MPP7: variants seen among roughly 807,000 people sequenced by gnomAD.
MPP7 encodes MAGUK p55 subfamily member 7.
A neutral mutation model predicts 76.5 loss-of-function variants in MPP7; 60 were observed. The ratio of observed to expected loss-of-function variants is 0.78; its 90% confidence interval spans 0.64 to 0.97. MPP7 has a LOEUF of 0.97. MPP7 is among the 50% of genes least tolerant of loss of function. The probability of loss-of-function intolerance (pLI) is 0.00; values close to 1 mark genes in which losing one functional copy is unlikely to be tolerated. For synonymous variants in MPP7, 237 were observed against 244.5 expected (o/e 0.97, Z 0.29); for missense variants, 641 against 694.0 (o/e 0.92, Z 0.86).
chr10:28,110,177 G>A (rs1000334001), intron 11 of MPP7, among the ~76,000 whole-genome samples: 2 of 150,764 alleles, frequency 1.3e-5, no homozygotes, highest in African/African-American at 2.4e-5. Flanking sequence ...TGCAACCTCC[G>A]CTCCTGAGTT....
intron 11 of MPP7, among the ~76,000 whole-genome samples, chr10:28,113,890 T>C (rs563548035): frequency 6.6e-6 from 1 of 152,272 alleles, no homozygotes; most frequent in East Asian, 1.9e-4. Flanking sequence ...TCGAGGGACA[T>C]AAAGTTTCTT....
intron 11 of MPP7, among the ~76,000 whole-genome samples, chr10:28,097,404 G>A (rs1356664011): frequency 1.3e-5 from 2 of 152,082 alleles, no homozygotes; most frequent in Non-Finnish European, 2.9e-5. Flanking sequence ...TTAGATGACT[G>A]GCACTACTCA....
In MPP7 at chr10:28,051,785, A is replaced by C. The variant is rs1588699384; in HGVS notation, c.*2280T>G. On this transcript the variant is annotated 3_prime_UTR_variant, in exon 17 of 17. Transcript: ENST00000683449. ...CACGTCTACCGGCTGGGCACGGTGG[A>C]TCATGCCTGTAATCCCAGCACTTTG... is the stretch of plus-strand genomic sequence containing the variant. 1 of 151,914 alleles carries C rather than the reference A, an allele frequency of 6.6e-6. No individual in the cohort carries two copies. 9.4% of individuals were successfully genotyped at this position (151,914 alleles called of 1,614,324 possible). A position where few individuals can be genotyped will look rare whatever the true frequency, so the allele number is the denominator to read the frequency against.
intron 1 of MPP7, among the ~76,000 whole-genome samples, chr10:28,262,046 G>T (rs2132942614): frequency 6.6e-6 from 1 of 151,098 alleles, no homozygotes; most frequent in South Asian, 2.1e-4. Flanking sequence ...AGCTACTCAG[G>T]AGGCTGAGGC....
chr10:28,067,448 T>G (rs966395053), intron 13 of MPP7, among the ~76,000 whole-genome samples: 1 of 152,196 alleles, frequency 6.6e-6, no homozygotes, highest in African/African-American at 2.4e-5. Context: ...GGCATATCTT[T>G]TTATAGAACT....
chr10:28,287,836 A>G (rs1362302101), intron 1 of MPP7, among the ~76,000 whole-genome samples: 1 of 152,224 alleles, frequency 6.6e-6, no homozygotes, highest in African/African-American at 2.4e-5. Context: ...CCAAAATGAA[A>G]GACAGGTCAA....
At chr10:28,202,641 A>G (rs957707743) in intron 2 of MPP7, among the ~76,000 whole-genome samples, 2 of 152,230 alleles carry the variant, frequency 1.3e-5, no homozygotes, top group Non-Finnish European at 2.9e-5. Context: ...TGAGTTATGA[A>G]TAGGAAAAAC....
chr10:28,267,411 A>C (rs1840181630), intron 1 of MPP7, among the ~76,000 whole-genome samples: 1 of 152,212 alleles, frequency 6.6e-6, no homozygotes, highest in Admixed American at 6.5e-5. Flanking sequence ...TCTAGCAAGC[A>C]AAAAAGACAA....
At position 28,323,454 on chromosome 10, in the gene MPP7, G is replaced by GA. The variant is rs5784053; in HGVS notation, c.-132+6474dup. ...GGCAGCAGAGTGAGACTCTATCTAG[G>GA]AAAAAAAAAAAAAGAAAGAAAGAAA... On this transcript the variant is annotated intron_variant, in intron 2 of 11. Transcript: ENST00000441595. 9.4e-4 allele frequency among the ~76,000 whole-genome samples: 135 copies of GA among 144,218 alleles called. No individual in the cohort carries two copies. The South Asian group carries it at 9.4e-3, about 10-fold the overall frequency. 94.6% of individuals were successfully genotyped at this position (144,218 alleles called of 152,430 possible).
At chr10:28,203,964 A>G (rs1175973926) in intron 2 of MPP7, among the ~76,000 whole-genome samples, 1 of 152,186 alleles carries the variant, frequency 6.6e-6, no homozygotes, top group African/African-American at 2.4e-5. Context: ...GAAACTCAGT[A>G]AGTTTCAGCT....
chr10:28,142,668 T>C (rs886161991), intron 5 of MPP7, among the ~76,000 whole-genome samples: 4 of 152,034 alleles, frequency 2.6e-5, no homozygotes, highest in African/African-American at 9.7e-5. Context: ...GAGGTGGAGG[T>C]TACAGTAAGC....
chr10:28,149,348 T>G (rs1440998445), intron 4 of MPP7, among the ~76,000 whole-genome samples: 2 of 152,154 alleles, frequency 1.3e-5, no homozygotes, highest in Non-Finnish European at 2.9e-5. Flanking sequence ...TTCATCCGAG[T>G]CCGAAAGTTA....
intron 2 of MPP7, among the ~76,000 whole-genome samples, chr10:28,203,514 A>AAAAC (rs1554851055): frequency 6.8e-6 from 1 of 147,404 alleles, no homozygotes; most frequent in African/African-American, 2.5e-5. Context: ...AAAAAAAAAA[A>AAAAC]AACCTTCTCT....
At chr10:28,165,330 T>C (rs765611804) in intron 3 of MPP7, among the ~76,000 whole-genome samples, 4 of 152,134 alleles carry the variant, frequency 2.6e-5, no homozygotes, top group Non-Finnish European at 5.9e-5. Flanking sequence ...GATATCAGCC[T>C]GGGTAACAGA....
chr10:28,193,525 T>C (rs1318834296), intron 3 of MPP7, among the ~76,000 whole-genome samples: 2 of 152,168 alleles, frequency 1.3e-5, no homozygotes, highest in African/African-American at 4.8e-5. Context: ...AATGAGTTTT[T>C]AGATATAATT....
intron 12 of MPP7, among the ~76,000 whole-genome samples, chr10:28,084,808 T>G (rs527742408): frequency 6.6e-6 from 1 of 152,230 alleles, no homozygotes; most frequent in East Asian, 1.9e-4. Context: ...TTTAGGAATT[T>G]ATTGAAAAAT....
At chr10:28,159,283 T>C (rs1836177327) in intron 3 of MPP7, among the ~76,000 whole-genome samples, 2 of 152,202 alleles carry the variant, frequency 1.3e-5, no homozygotes, top group South Asian at 4.1e-4. Context: ...GTCTCAGAAC[T>C]CGTCTTAGTT....
intron 11 of MPP7, among the ~76,000 whole-genome samples, chr10:28,104,268 G>A (rs1233836210): frequency 6.6e-6 from 1 of 152,104 alleles, no homozygotes; most frequent in Non-Finnish European, 1.5e-5. Flanking sequence ...CAAATTAACA[G>A]AAGACTGATG....
intron 6 of MPP7, among the ~76,000 whole-genome samples, chr10:28,125,680 T>C (rs867947451): frequency 1.4e-4 from 21 of 152,196 alleles, no homozygotes; most frequent in Non-Finnish European, 2.9e-4. Context: ...AAATTAGTTA[T>C]ATTTGTTGCC....
Sources: allele counts gnomAD v4.1 joint callset (sites outside exome capture counted in the v4.1 genomes callset), GRCh38; gene constraint gnomAD v4.1.1; transcripts MANE v1.5; gene names NCBI Gene and HGNC (gene_info 2026-07-23, HGNC 2026-07-21).